The following ABCB1 variants were observed in gnomAD, a reference collection of about 807,000 sequenced individuals.
The protein encoded by ABCB1 is ATP-dependent translocase ABCB1.
ABCB1 carries 69 observed loss-of-function variants against 142.0 expected under a neutral mutation model. The observed-to-expected ratio is 0.49, with a 90% CI of 0.40 to 0.59. The LOEUF is 0.59. ABCB1 is among the 20% of genes least tolerant of loss of function. ABCB1 has a pLI of 0.00. For synonymous variants in ABCB1, 532 were observed against 539.2 expected (o/e 0.99, Z 0.18); for missense variants, 1,326 against 1,554.7 (o/e 0.85, Z 2.47).
chr7:87,693,945 A>G, intron 1 of ABCB1: 3 of 1,611,940 alleles, frequency 1.9e-6, no homozygotes, highest in Non-Finnish European at 2.5e-6. Context: ...CTCATCTCCA[A>G]ATACCTCTTC....
chr7:87,538,087 C>T (rs539263345), intron 19 of ABCB1, among the ~76,000 whole-genome samples: 1 of 152,306 alleles, frequency 6.6e-6, no homozygotes, highest in Non-Finnish European at 1.5e-5. Context: ...AGTACTAGAC[C>T]TTGTAAGCAG....
intron 1 of ABCB1, among the ~76,000 whole-genome samples, chr7:87,687,837 T>A (rs1378752179): frequency 6.6e-6 from 1 of 152,170 alleles, no homozygotes; most frequent in African/African-American, 2.4e-5. Context: ...AACAGTTACC[T>A]CCCCATGAGG....
At chr7:87,567,791 T>A (rs1817840107) in intron 5 of ABCB1, among the ~76,000 whole-genome samples, 1 of 152,044 alleles carries the variant, frequency 6.6e-6, no homozygotes, top group African/African-American at 2.4e-5. Flanking sequence ...GCTCTGAGTT[T>A]TCATATTTAA....
intron 1 of ABCB1, among the ~76,000 whole-genome samples, chr7:87,632,901 AC>A (rs2130207998): frequency 6.6e-6 from 1 of 152,330 alleles, no homozygotes; most frequent in East Asian, 1.9e-4. Context: ...TTTAAGAGAA[AC>A]TTCCCATGCA....
At chr7:87,593,632 C>A (rs1331747130) in intron 3 of ABCB1, among the ~76,000 whole-genome samples, 2 of 152,206 alleles carry the variant, frequency 1.3e-5, no homozygotes, top group Admixed American at 6.5e-5. Flanking sequence ...CTTCATTCTG[C>A]AGTTCTGCCT....
In ABCB1 at chr7:87,544,916, A is replaced by C. The variant is rs1434727302; in HGVS notation, c.1971T>G (p.Asp657Glu). Reference sequence around the variant, plus strand: ...TTTTTCTTATTAGACTGGATCTTGAATCATTTGAAGACATTTCCAAGGCAT... The same window carrying C: ...TTTTTCTTATTAGACTGGATCTTGACTCATTTGAAGACATTTCCAAGGCAT... ...EIDALEMSSN[D>E]SRSSLIRKRS... The change falls in exon 16 of 28, where the codon GAT becomes GAG. Residue 657 changes from aspartate to glutamate, a missense_variant. Physicochemically the swap from Asp to Glu is conservative, Grantham distance 45 (BLOSUM62 2). Coordinates refer to ENST00000622132, the MANE Select transcript of ABCB1 (RefSeq NM_001348946.2). The C allele has an allele frequency of 6.2e-7, 1 of 1,614,122 alleles. No homozygotes were observed.
At chr7:87,623,918 T>A (rs1820316239) in intron 1 of ABCB1, among the ~76,000 whole-genome samples, 1 of 152,118 alleles carries the variant, frequency 6.6e-6, no homozygotes, top group Non-Finnish European at 1.5e-5. Flanking sequence ...TTTTCTCCCC[T>A]TTCATAACTT....
chr7:87,523,210 G>A (rs1309031400), intron 21 of ABCB1, among the ~76,000 whole-genome samples: 2 of 152,086 alleles, frequency 1.3e-5, no homozygotes, highest in Non-Finnish European at 2.9e-5. Context: ...ACACACCTGG[G>A]TAAGCAATCC....
chr7:87,540,228 G>A (rs1816477200), intron 18 of ABCB1, among the ~76,000 whole-genome samples: 1 of 152,150 alleles, frequency 6.6e-6, no homozygotes, highest in Non-Finnish European at 1.5e-5. Context: ...ATTAATAAGT[G>A]ATTACCTACT....
chr7:87,524,484 A>T (rs1333500126), intron 21 of ABCB1, among the ~76,000 whole-genome samples: 1 of 152,144 alleles, frequency 6.6e-6, no homozygotes, highest in African/African-American at 2.4e-5. Context: ...TATCGCAAGG[A>T]CAAAAAACCA....
chr7:87,641,969 A>G (rs912746285), intron 1 of ABCB1, among the ~76,000 whole-genome samples: 9 of 152,108 alleles, frequency 5.9e-5, no homozygotes, highest in African/African-American at 2.2e-4. Context: ...AATTTTCATA[A>G]ATCAATCACA....
At chr7:87,626,019 TATATAGAGAG>T (rs1284443796) in intron 1 of ABCB1, among the ~76,000 whole-genome samples, 3 of 137,510 alleles carry the variant, frequency 2.2e-5, no homozygotes, top group African/African-American at 8.9e-5. Flanking sequence ...CATATATATA[TATATAGAGAG>T]AGAGAGAGAG....
intron 4 of ABCB1, among the ~76,000 whole-genome samples, chr7:87,571,183 G>C (rs896470441): frequency 6.6e-6 from 1 of 152,172 alleles, no homozygotes; most frequent in African/African-American, 2.4e-5. Flanking sequence ...ACTATTTCTA[G>C]CAAAGTGAAC....
chr7:87,506,651 T>G (rs1305912748), intron 26 of ABCB1, among the ~76,000 whole-genome samples: 1 of 152,196 alleles, frequency 6.6e-6, no homozygotes, highest in Non-Finnish European at 1.5e-5. Flanking sequence ...CCGTGTTGTT[T>G]CCCACAATGG....
At chr7:87,673,021 A>C (rs1825987716) in intron 1 of ABCB1, among the ~76,000 whole-genome samples, 1 of 152,172 alleles carries the variant, frequency 6.6e-6, no homozygotes, top group Admixed American at 6.5e-5. Flanking sequence ...TTCCTTTTCT[A>C]TAAGAATGCT....
chr7:87,673,773 A>G (rs963453424), intron 1 of ABCB1, among the ~76,000 whole-genome samples: 1 of 152,202 alleles, frequency 6.6e-6, no homozygotes, highest in Non-Finnish European at 1.5e-5. Flanking sequence ...GTTTGGAGGT[A>G]ATAAGACACT....
chr7:87,617,887 G>A (rs928829587), intron 1 of ABCB1, among the ~76,000 whole-genome samples: 2 of 152,010 alleles, frequency 1.3e-5, no homozygotes, highest in Non-Finnish European at 2.9e-5. Context: ...TTCCTCTCTG[G>A]CCTTCTGTCT....
At position 87,682,906 on chromosome 7, in the gene ABCB1, T is replaced by C. The variant is rs182680364; in HGVS notation, c.-331+30255A>G. Among the ~76,000 whole-genome samples, 381 of 152,358 alleles carry C rather than the reference T, an allele frequency of 2.5e-3. 1 individual carries two copies. The highest frequency in any genetic ancestry group is 4.2e-3 in the Non-Finnish European group (288 of 68,020). ...CTTCTTTTACTATGAAAGGTTTAGA[T>C]GGCATCTTCTTCCAATATAAAGCTG... is the stretch of plus-strand genomic sequence containing the variant. On this transcript the variant is annotated intron_variant, in intron 1 of 28. Coordinates refer to the ABCB1 transcript ENST00000265724.
intron 4 of ABCB1, 94 bp downstream of exon 4, chr7:87,585,418 T>C: frequency 8.1e-7 from 1 of 1,233,550 alleles, no homozygotes; most frequent in Non-Finnish European, 1.2e-6. Flanking sequence ...CTAAACACAC[T>C]AATGTGTATT....
Sources: allele counts gnomAD v4.1 joint callset (sites outside exome capture counted in the v4.1 genomes callset), GRCh38; gene constraint gnomAD v4.1.1; transcripts MANE v1.5; gene names NCBI Gene and HGNC (gene_info 2026-07-23, HGNC 2026-07-21).